The following CAST variants were observed in gnomAD, a reference collection of about 807,000 sequenced individuals.
The protein encoded by CAST is MIR583 host.
Under a neutral mutation model 119.6 loss-of-function variants are expected in CAST, and 76 were observed. That is an observed-to-expected ratio of 0.64 (90% CI 0.53 to 0.77). The LOEUF (loss-of-function observed/expected upper bound fraction) is 0.77. Among genes scored for constraint, CAST ranks in the 30% least tolerant of loss-of-function variants. The pLI is 0.00. For synonymous variants in CAST, 319 were observed against 331.6 expected, an observed-to-expected ratio of 0.96 and a Z score of 0.41; for missense variants, 953 against 946.5, an observed-to-expected ratio of 1.01 and a Z score of -0.09.
chr5:96,486,305 A>G, the CAST span, among the ~76,000 whole-genome samples: 2 of 152,160 alleles, frequency 1.3e-5, no homozygotes, highest in Non-Finnish European at 2.9e-5. Flanking sequence ...TTCCCAATGC[A>G]GGAGTAACCT....
chr5:96,774,360 T>A lies in CAST; in HGVS notation c.*1744T>A, dbSNP rs184053559. 1.7e-3 allele frequency: 490 copies of A among 289,206 alleles called. 11 individuals carry two copies. In the Admixed American group the frequency reaches 0.024, roughly 14 times the overall value. The allele number at this position is 289,206 out of a possible 1,614,324, so 17.9% of individuals were successfully genotyped here. A position where few individuals can be genotyped will look rare whatever the true frequency, so the allele number is the denominator to read the frequency against. On this transcript the variant is annotated 3_prime_UTR_variant, in exon 32 of 32. Transcript: ENST00000675179. ...AGAACTCTGAATATGCCTTCTTTTT[T>A]AATTAGAAATATCTTCGAGACTTGG... is the stretch of plus-strand genomic sequence containing the variant.
chr5:96,002,043 T>A, the CAST span, among the ~76,000 whole-genome samples: 1 of 152,246 alleles, frequency 6.6e-6, no homozygotes, highest in Non-Finnish European at 1.5e-5. Flanking sequence ...ATGTGAGTAA[T>A]GGAAATGTCT....
intron 1 of CAST, among the ~76,000 whole-genome samples, chr5:96,672,229 GTC>G (rs139068540): frequency 2.3e-4 from 35 of 149,256 alleles, no homozygotes; most frequent in Non-Finnish European, 2.2e-4. Context: ...CTCTCTCTCT[GTC>G]TCTCTCTCTC....
the CAST span, among the ~76,000 whole-genome samples, chr5:95,975,068 G>A: frequency 2.0e-5 from 3 of 152,234 alleles, no homozygotes; most frequent in East Asian, 5.8e-4. Context: ...TGGGCAGAAG[G>A]GGAGCCTATT....
In CAST at chr5:96,644,002, T is replaced by C. The variant is rs1416255798; in HGVS notation, c.61-31537T>C. 3.3e-5 allele frequency among the ~76,000 whole-genome samples: 5 copies of C among 151,760 alleles called. No homozygotes were observed. The East Asian group carries it at 9.7e-4, about 29-fold the overall frequency. ...CAGAGGTTGCAGTGAGCCAAGATCA[T>C]GCCACTGCACTCCAGCCTGGGGGAC... On this transcript the variant is annotated intron_variant, in intron 1 of 11. Transcript: ENST00000505143.
At chr5:96,178,601 T>C in the CAST span, among the ~76,000 whole-genome samples, 2 of 152,212 alleles carry the variant, frequency 1.3e-5, no homozygotes, top group African/African-American at 4.8e-5. Flanking sequence ...TTGCAGGATA[T>C]TTCTCAGTGA....
chr5:96,410,281 A>AG, the CAST span, among the ~76,000 whole-genome samples: 1 of 152,122 alleles, frequency 6.6e-6, no homozygotes, highest in Non-Finnish European at 1.5e-5. Context: ...AGTTCACCTC[A>AG]GGGGACACTG....
the CAST span, among the ~76,000 whole-genome samples, chr5:96,175,297 C>T: frequency 1.3e-5 from 2 of 152,234 alleles, no homozygotes; most frequent in East Asian, 3.9e-4. Flanking sequence ...TCTGGGCAAC[C>T]AGTGCCAGTG....
rs193217888 is a variant in CAST, at chr5:96,696,448, A to G, written c.210+541A>G. 4.2e-4 allele frequency among the ~76,000 whole-genome samples: 64 copies of G among 152,276 alleles called. 1 individual carries two copies. The highest frequency in any genetic ancestry group is 3.4e-3 in the Middle Eastern group (1 of 294). On this transcript the variant is annotated intron_variant, in intron 3 of 31. Transcript: ENST00000675179. ...GTTTCCTGTTAAGAGGTCTTTGACA[A>G]TGCTGGGTCTTATAAACTCCATCTA...
the CAST span, among the ~76,000 whole-genome samples, chr5:96,177,297 G>A: frequency 6.6e-6 from 1 of 152,124 alleles, no homozygotes; most frequent in South Asian, 2.1e-4. Context: ...AACAAAATGC[G>A]AGGTGGTGAA....
chr5:96,425,146 T>A, the CAST span, among the ~76,000 whole-genome samples: 1 of 152,310 alleles, frequency 6.6e-6, no homozygotes, highest in Non-Finnish European at 1.5e-5. Flanking sequence ...TCTTAGCTTG[T>A]GTTTTTCAAG....
chr5:96,180,905 G>C, the CAST span, among the ~76,000 whole-genome samples: 1 of 152,194 alleles, frequency 6.6e-6, no homozygotes, highest in Non-Finnish European at 1.5e-5. Flanking sequence ...TCATCCTCCA[G>C]AGTGTTGTGA....
chr5:96,504,046 T>C, the CAST span, among the ~76,000 whole-genome samples: 1 of 152,200 alleles, frequency 6.6e-6, no homozygotes, highest in African/African-American at 2.4e-5. Context: ...GTCTGCTTTA[T>C]TGAAATGCCA....
At chr5:96,581,893 AAAATAAAT>A (rs10631862) in intron 1 of CAST, among the ~76,000 whole-genome samples, 9 of 149,210 alleles carry the variant, frequency 6.0e-5, no homozygotes, top group Admixed American at 2.7e-4. Context: ...TCTGTCTCAA[AAAATAAAT>A]AAATAAATAA....
At chr5:96,722,016 C>G (rs1758357692) in intron 3 of CAST, among the ~76,000 whole-genome samples, 1 of 152,202 alleles carries the variant, frequency 6.6e-6, no homozygotes, top group African/African-American at 2.4e-5. Flanking sequence ...CACATCCACC[C>G]AAGTCTATTT....
At chr5:96,242,962 C>T in the CAST span, among the ~76,000 whole-genome samples, 4 of 152,170 alleles carry the variant, frequency 2.6e-5, no homozygotes, top group South Asian at 2.1e-4. Flanking sequence ...TTTTTGGATA[C>T]ATCAAATGGC....
At chr5:96,191,502 T>A in the CAST span, among the ~76,000 whole-genome samples, 4 of 152,220 alleles carry the variant, frequency 2.6e-5, no homozygotes, top group Non-Finnish European at 5.9e-5. Flanking sequence ...AGATTCAAAT[T>A]TCATCTCCAG....
At chr5:96,486,732 A>T in the CAST span, among the ~76,000 whole-genome samples, 1 of 152,132 alleles carries the variant, frequency 6.6e-6, no homozygotes, top group Non-Finnish European at 1.5e-5. Flanking sequence ...CCAGTAAAAA[A>T]TGTACCAGGA....
At chr5:96,087,906 C>A in the CAST span, among the ~76,000 whole-genome samples, 1 of 152,118 alleles carries the variant, frequency 6.6e-6, no homozygotes, top group South Asian at 2.1e-4. Flanking sequence ...TTCTTTCAGC[C>A]CTGTAATTTT....
Sources: gnomAD v4.1 joint callset for allele counts (sites outside exome capture counted in the v4.1 genomes callset) on GRCh38, gnomAD v4.1.1 for gene constraint, MANE v1.5 for transcripts, NCBI Gene and HGNC (gene_info 2026-07-23, HGNC 2026-07-21) for gene names.